C1QTNF3: variants seen among roughly 807,000 people sequenced by gnomAD.
The protein encoded by C1QTNF3 is complement C1q tumor necrosis factor-related protein 3.
C1QTNF3 carries 26 observed loss-of-function variants against 32.6 expected under a neutral mutation model. That is an observed-to-expected ratio of 0.80 (90% confidence interval 0.58 to 1.11). The LOEUF (loss-of-function observed/expected upper bound fraction) is 1.11, where lower values mean the gene tolerates loss of function less well. Ranked by LOEUF, C1QTNF3 falls within the 50% of genes least tolerant of loss-of-function variation. C1QTNF3 has a pLI of 0.00. For synonymous variants in C1QTNF3, 155 were observed against 146.0 expected, an observed-to-expected ratio of 1.06 and a Z score of -0.44; for missense variants, 362 against 398.2, an observed-to-expected ratio of 0.91 and a Z score of 0.77.
the C1QTNF3 span, among the ~76,000 whole-genome samples, chr5:34,102,967 A>T: frequency 2.6e-5 from 4 of 152,170 alleles, no homozygotes; most frequent in East Asian, 5.8e-4. Context: ...GTACCCTAGA[A>T]CTTAAAGTAT....
chr5:34,230,906 G>A, the C1QTNF3 span, among the ~76,000 whole-genome samples: 1 of 151,940 alleles, frequency 6.6e-6, no homozygotes, highest in Non-Finnish European at 1.5e-5. Flanking sequence ...CTGTATTTAG[G>A]TCTATTTTTT....
At chr5:34,156,854 G>A in the C1QTNF3 span, among the ~76,000 whole-genome samples, 1 of 152,168 alleles carries the variant, frequency 6.6e-6, no homozygotes, top group Non-Finnish European at 1.5e-5. Flanking sequence ...GTTTGAATGA[G>A]ATAGTCATGT....
chr5:34,044,343 G>A (rs1018394853), upstream of C1QTNF3, among the ~76,000 whole-genome samples: 2 of 152,070 alleles, frequency 1.3e-5, no homozygotes, highest in African/African-American at 4.8e-5. Context: ...AATGTTACTG[G>A]CCTTCTCTCA....
chr5:34,158,534 G>A, the C1QTNF3 span: 3 of 152,068 alleles, frequency 2.0e-5, no homozygotes, highest in Non-Finnish European at 2.9e-5. Context: ...TAAGTTTCTT[G>A]TAAAGTGATT....
At chr5:34,046,071 C>T (rs1002061818), upstream of C1QTNF3, among the ~76,000 whole-genome samples, 2 of 152,178 alleles carry the variant, frequency 1.3e-5, no homozygotes, top group East Asian at 3.9e-4. Flanking sequence ...ACTTCAGCAA[C>T]TTTTTGTAAA....
the C1QTNF3 span, among the ~76,000 whole-genome samples, chr5:34,138,870 A>T: frequency 2.0e-5 from 3 of 152,140 alleles, no homozygotes. Flanking sequence ...CAACACACGC[A>T]TCATACCTGT....
chr5:34,121,447 C>T, the C1QTNF3 span, among the ~76,000 whole-genome samples: 144 of 152,118 alleles, frequency 9.5e-4, 1 homozygote, highest in African/African-American at 2.9e-3. Flanking sequence ...TACATGGCGG[C>T]GGCAAGAGAA....
chr5:34,063,244 CTT>C, the C1QTNF3 span, among the ~76,000 whole-genome samples: 2 of 151,636 alleles, frequency 1.3e-5, no homozygotes, highest in African/African-American at 4.9e-5. Context: ...CTTTCTGTCT[CTT>C]TCTCTCTCTT....
At chr5:34,189,837 AGGCCATCCTACAAACACCC>A in the C1QTNF3 span, among the ~76,000 whole-genome samples, 1 of 152,340 alleles carries the variant, frequency 6.6e-6, no homozygotes, top group African/African-American at 2.4e-5. Context: ...ACTGAGTGGC[AGGCCATCCTACAAACACCC>A]GGACACTCGA....
At chr5:34,110,880 AC>A in the C1QTNF3 span, among the ~76,000 whole-genome samples, 1 of 152,096 alleles carries the variant, frequency 6.6e-6, no homozygotes, top group Non-Finnish European at 1.5e-5. Context: ...GGAACTTGGG[AC>A]TTTTTGAAGG....
chr5:34,041,984 C>T (rs1359475575), intron 1 of C1QTNF3, among the ~76,000 whole-genome samples: 1 of 148,568 alleles, frequency 6.7e-6, no homozygotes, highest in African/African-American at 2.5e-5. Context: ...ACTCTTCTTG[C>T]CCCCTCTGAC....
At chr5:34,120,557 T>G in the C1QTNF3 span, among the ~76,000 whole-genome samples, 1 of 152,216 alleles carries the variant, frequency 6.6e-6, no homozygotes, top group Non-Finnish European at 1.5e-5. Context: ...CTCCCACAGT[T>G]CCCACGTGTT....
chr5:34,043,111 C>G lies in C1QTNF3; in HGVS notation c.15G>C (p.Gln5His), dbSNP rs1450945892. 6.2e-7 allele frequency: 1 copy of G among 1,612,468 alleles called. No individual in the cohort carries two copies. The highest frequency in any genetic ancestry group is 8.5e-7 in the Non-Finnish European group (1 of 1,179,744). Reference sequence around the variant, plus strand: ...AAGCCAGCAGTTGCCAATAGATGAGCTGCCTCCAAAGCATGATTCTCAACA... The same window carrying G: ...AAGCCAGCAGTTGCCAATAGATGAGGTGCCTCCAAAGCATGATTCTCAACA... The part of the protein sequence containing the change: MLWR[Q>H]LIYWQLLALF... The change falls in exon 1 of 6, where the codon CAG becomes CAC. Residue 5 changes from glutamine to histidine, a missense_variant. Transcript: ENST00000382065.
At chr5:34,164,791 C>T in the C1QTNF3 span, 1 of 149,376 alleles carries the variant, frequency 6.7e-6, no homozygotes, top group East Asian at 2.0e-4. Flanking sequence ...ATTCTAATCA[C>T]AGTGTTTCAA....
the C1QTNF3 span, among the ~76,000 whole-genome samples, chr5:34,159,608 A>G: frequency 6.6e-6 from 1 of 152,056 alleles, no homozygotes; most frequent in Non-Finnish European, 1.5e-5. Flanking sequence ...CCACTGATGA[A>G]ATTTTTAAAA....
the C1QTNF3 span, among the ~76,000 whole-genome samples, chr5:34,195,902 C>T: frequency 1.3e-5 from 2 of 152,102 alleles, no homozygotes; most frequent in Non-Finnish European, 2.9e-5. Flanking sequence ...TACTGGGAGG[C>T]GTGGCCTTTA....
At chr5:34,079,745 G>T in the C1QTNF3 span, among the ~76,000 whole-genome samples, 9,707 of 151,678 alleles carry the variant, frequency 0.064, 1,279 homozygotes, top group African/African-American at 0.21. Context: ...CATAGAAGCA[G>T]AGAGTAAAAG....
At chr5:34,093,969 T>C in the C1QTNF3 span, among the ~76,000 whole-genome samples, 1 of 152,178 alleles carries the variant, frequency 6.6e-6, no homozygotes, top group Non-Finnish European at 1.5e-5. Flanking sequence ...ATGTGCCTAC[T>C]TCTTCCTGGT....
At position 34,019,822 on chromosome 5, in the gene C1QTNF3, T is replaced by TA. The variant is rs1448368428; in HGVS notation, c.*760dup. ...ATTAATAGTGTATGTTCTTCAGATA[T>TA]AAAATCCCTCTGGTCAACATGCAAC... is the stretch of plus-strand genomic sequence containing the variant. On this transcript the variant is annotated 3_prime_UTR_variant, in exon 6 of 6. Transcript: ENST00000382065. 1.3e-5 allele frequency: 2 copies of TA among 152,254 alleles called. No individual in the cohort carries two copies. Among genetic ancestry groups the TA allele is most frequent in the Non-Finnish European group, 2.9e-5 (2 of 68,048 alleles). 9.4% of individuals were successfully genotyped at this position (152,254 alleles called of 1,614,324 possible). A position where few individuals can be genotyped will look rare whatever the true frequency, so the allele number is the denominator to read the frequency against.
Sources: gnomAD v4.1 joint callset for allele counts (sites outside exome capture counted in the v4.1 genomes callset) on GRCh38, gnomAD v4.1.1 for gene constraint, MANE v1.5 for transcripts, NCBI Gene and HGNC (gene_info 2026-07-23, HGNC 2026-07-21) for gene names.